The following MAPK4 variants were observed in gnomAD, a reference collection of about 807,000 sequenced individuals.
MAPK4 encodes Erk3-related.
MAPK4 carries 22 observed loss-of-function variants against 47.7 expected under a neutral mutation model. That is an observed-to-expected ratio of 0.46 (90% CI 0.33 to 0.66). The LOEUF (loss-of-function observed/expected upper bound fraction) is 0.66. Ranked by LOEUF, MAPK4 falls within the 30% of genes least tolerant of loss-of-function variation. The pLI is 0.02. For synonymous variants in MAPK4, 390 were observed against 365.7 expected (o/e 1.07, Z -0.76); for missense variants, 736 against 831.7 (o/e 0.88, Z 1.42).
chr18:50,591,419 C>A (rs2042435907), intron 1 of MAPK4, among the ~76,000 whole-genome samples: 1 of 151,860 alleles, frequency 6.6e-6, no homozygotes, highest in Non-Finnish European at 1.5e-5. Flanking sequence ...CTTGAAGTAT[C>A]TATGTTGACT....
chr18:50,591,083 G>T (rs1003677101), intron 1 of MAPK4, among the ~76,000 whole-genome samples: 1 of 152,298 alleles, frequency 6.6e-6, no homozygotes, highest in African/African-American at 2.4e-5. Flanking sequence ...ACAATAATTG[G>T]CCTGACTTCT....
intron 5 of MAPK4, among the ~76,000 whole-genome samples, chr18:50,727,790 T>G (rs1911282927): frequency 6.6e-6 from 1 of 152,198 alleles, no homozygotes; most frequent in Non-Finnish European, 1.5e-5. Flanking sequence ...AGGACCTTCT[T>G]GCTGTGGGCA....
rs143769903 is a variant in MAPK4 at position 50,638,587 on chromosome 18, C to T, written c.-870-24502C>T. 2.9e-3 allele frequency among the ~76,000 whole-genome samples: 439 copies of T among 152,248 alleles called. 6 individuals carry two copies. The East Asian group carries it at 0.043, about 15-fold the overall frequency. ...TCACAGTAGGTTAGAGGTGAACGAC[C>T]CAAGAGGAGCCAAGGGAGTTGAAAC... On this transcript the variant is annotated intron_variant, in intron 1 of 5. Transcript: ENST00000400384.
intron 1 of MAPK4, among the ~76,000 whole-genome samples, chr18:50,577,461 T>G (rs1408916548): frequency 1.3e-5 from 2 of 152,180 alleles, no homozygotes. Flanking sequence ...CTCCAGAGAC[T>G]AGGGTTTAAT....
intron 1 of MAPK4, among the ~76,000 whole-genome samples, chr18:50,576,205 C>T (rs2042295900): frequency 6.6e-6 from 1 of 152,088 alleles, no homozygotes; most frequent in East Asian, 1.9e-4. Flanking sequence ...ATGTTCATCG[C>T]AGTACTATTC....
intron 2 of MAPK4, chr18:50,704,664 G>T (rs1014431047): frequency 2.5e-5 from 10 of 398,582 alleles, no homozygotes; most frequent in Non-Finnish European, 4.4e-5. Flanking sequence ...CCTGTGGGGT[G>T]GGAGCAGCTG....
At chr18:50,724,279 G>A (rs1356394597) in intron 4 of MAPK4, among the ~76,000 whole-genome samples, 1 of 152,142 alleles carries the variant, frequency 6.6e-6, no homozygotes, top group Non-Finnish European at 1.5e-5. Context: ...AAACTCCCAG[G>A]TTCAAGCAAT....
chr18:50,688,376 C>G (rs1598912679), intron 2 of MAPK4, among the ~76,000 whole-genome samples: 1 of 152,206 alleles, frequency 6.6e-6, no homozygotes, highest in African/African-American at 2.4e-5. Context: ...GGGCCCCAAA[C>G]AGCAGTAAGC....
chr18:50,720,576 G>A (rs1036406606), intron 3 of MAPK4, among the ~76,000 whole-genome samples: 5 of 151,996 alleles, frequency 3.3e-5, no homozygotes, highest in East Asian at 1.9e-4. Context: ...CCCCACCCCC[G>A]CTGTGGTTGA....
chr18:50,598,961 G>A (rs1598811053), intron 1 of MAPK4, among the ~76,000 whole-genome samples: 1 of 152,180 alleles, frequency 6.6e-6, no homozygotes, highest in Non-Finnish European at 1.5e-5. Flanking sequence ...GATTGGTGAT[G>A]TTAACCTTGA....
chr18:50,671,295 CTGTTTA>C (rs368075881), intron 2 of MAPK4, among the ~76,000 whole-genome samples: 6 of 152,280 alleles, frequency 3.9e-5, no homozygotes, highest in African/African-American at 1.2e-4. Context: ...CATAGGAGGA[CTGTTTA>C]TGTTTAGGTT....
At chr18:50,724,088 T>C (rs889035825) in intron 4 of MAPK4, among the ~76,000 whole-genome samples, 2 of 152,088 alleles carry the variant, frequency 1.3e-5, no homozygotes, top group African/African-American at 4.8e-5. Flanking sequence ...CATGGCTCAC[T>C]ATAACCTCAG....
chr18:50,705,536 T>C (rs1223774656), intron 2 of MAPK4: 2 of 152,206 alleles, frequency 1.3e-5, no homozygotes, highest in African/African-American at 4.8e-5. Flanking sequence ...CAAAATCCCT[T>C]GTACAGAGTG....
At chr18:50,712,784 G>A (rs1350081454) in intron 2 of MAPK4, among the ~76,000 whole-genome samples, 1 of 152,164 alleles carries the variant, frequency 6.6e-6, no homozygotes, top group Non-Finnish European at 1.5e-5. Context: ...ACATATCAGA[G>A]AAAACTCCCC....
At chr18:50,716,391 T>C (rs1910638432) in intron 3 of MAPK4, among the ~76,000 whole-genome samples, 1 of 152,178 alleles carries the variant, frequency 6.6e-6, no homozygotes, top group Admixed American at 6.5e-5. Flanking sequence ...TCACCCACCA[T>C]GAGCTCTACT....
intron 1 of MAPK4, among the ~76,000 whole-genome samples, chr18:50,658,842 G>C (rs564577654): frequency 3.9e-5 from 6 of 152,198 alleles, no homozygotes; most frequent in Non-Finnish European, 8.8e-5. Flanking sequence ...CAAGAGGAAG[G>C]AGACAGTGCA....
intron 2 of MAPK4, among the ~76,000 whole-genome samples, chr18:50,713,922 A>G (rs1267485262): frequency 6.6e-6 from 1 of 152,180 alleles, no homozygotes; most frequent in Non-Finnish European, 1.5e-5. Flanking sequence ...CTCGGAGGAA[A>G]TATGTGCCAC....
chr18:50,619,101 G>T (rs2042708971), intron 1 of MAPK4, among the ~76,000 whole-genome samples: 1 of 152,346 alleles, frequency 6.6e-6, no homozygotes, highest in South Asian at 2.1e-4. Context: ...AAGATCCTTT[G>T]TGAAGAGCCA....
chr18:50,677,149 T>C (rs970305760), intron 2 of MAPK4, among the ~76,000 whole-genome samples: 4 of 152,150 alleles, frequency 2.6e-5, no homozygotes, highest in African/African-American at 9.7e-5. Flanking sequence ...ATGATCTGAG[T>C]GTAACAGTTT....
Sources: allele counts gnomAD v4.1 joint callset (sites outside exome capture counted in the v4.1 genomes callset), GRCh38; gene constraint gnomAD v4.1.1; transcripts MANE v1.5; gene names NCBI Gene and HGNC (gene_info 2026-07-23, HGNC 2026-07-21).